Variants in IL1RAPL2 observed in about 807,000 individuals in gnomAD.
IL1RAPL2 encodes the protein X-linked interleukin-1 receptor accessory protein-like 2.
IL1RAPL2 carries 3 observed loss-of-function variants against 44.1 expected under a neutral mutation model. The observed-to-expected ratio is 0.07, with a 90% confidence interval of 0.03 to 0.18. IL1RAPL2 has a LOEUF of 0.18. Among genes scored for constraint, IL1RAPL2 ranks in the 10% least tolerant of loss-of-function variants. The probability of loss-of-function intolerance (pLI) is 1.00; values close to 1 mark genes in which losing one functional copy is unlikely to be tolerated. For missense variants in IL1RAPL2, 391 were observed against 496.4 expected (o/e 0.79, Z 2.02); for synonymous variants, 181 against 178.8 (o/e 1.01, Z -0.10).
At position 105,767,498 on chromosome X, in the gene IL1RAPL2, C is replaced by G; in HGVS notation, c.1898C>G (p.Pro633Arg). ...ATACCAGCCACGACCTTGCCAGTAC[C>G]TTCCTTAGGCAACCACCATACTTAT... ...HEIPATTLPV[P>R]SLGNHHTYCN... Residue 633 changes from proline to arginine, a missense_variant, in exon 11 of 11, where the codon CCT (proline) becomes CGT (arginine). Physicochemically the swap from Pro to Arg is moderately radical, Grantham distance 103. Around this residue, in one of 2 missense-constraint regions of IL1RAPL2, gnomAD observed 232 missense variants for 244.8 expected, o/e 0.95. Coordinates refer to ENST00000372582, the MANE Select transcript of IL1RAPL2 (RefSeq NM_017416.2). 1 of 1,211,361 alleles carries G rather than the reference C, an allele frequency of 8.3e-7. No individual in the cohort carries two copies.
intron 2 of IL1RAPL2, among the ~76,000 whole-genome samples, chrX:104,994,058 A>G (rs776824861): frequency 8.9e-6 from 1 of 112,118 alleles, no homozygotes; most frequent in Non-Finnish European, 1.9e-5. Flanking sequence ...AAGAGAAATG[A>G]AAACATATGT....
chrX:105,474,718 C>T (rs1221699256), intron 5 of IL1RAPL2, among the ~76,000 whole-genome samples: 2 of 111,868 alleles, frequency 1.8e-5, no homozygotes, highest in Non-Finnish European at 3.8e-5. Flanking sequence ...GTGGATACAG[C>T]TAAAGGAGGT....
intron 3 of IL1RAPL2, among the ~76,000 whole-genome samples, chrX:105,227,421 A>G (rs1363065668): frequency 8.9e-6 from 1 of 112,021 alleles, no homozygotes; most frequent in Non-Finnish European, 1.9e-5. Context: ...ACAATAAAAC[A>G]AAAATCCCGG....
At chrX:104,588,849 T>C (rs1322086992) in intron 1 of IL1RAPL2, among the ~76,000 whole-genome samples, 2 of 112,056 alleles carry the variant, frequency 1.8e-5, no homozygotes, top group Non-Finnish European at 3.8e-5. Context: ...GGGGCAATCA[T>C]GTTTCTTGAA....
chrX:104,909,319 C>T (rs1412087383), intron 2 of IL1RAPL2, among the ~76,000 whole-genome samples: 10 of 111,758 alleles, frequency 8.9e-5, no homozygotes, highest in Admixed American at 4.7e-4. Flanking sequence ...GTAATTTGAT[C>T]GTCTGAAGCC....
intron 2 of IL1RAPL2, among the ~76,000 whole-genome samples, chrX:104,737,867 CTA>C (rs1408513965): frequency 1.8e-5 from 2 of 111,853 alleles, no homozygotes; most frequent in Non-Finnish European, 3.8e-5. Context: ...CCTTTCCACT[CTA>C]AATACTCTCT....
chrX:105,509,314 A>G (rs2036453567), intron 6 of IL1RAPL2, among the ~76,000 whole-genome samples: 1 of 111,843 alleles, frequency 8.9e-6, no homozygotes, highest in African/African-American at 3.2e-5. Flanking sequence ...GAATGAGCCA[A>G]CATTGGAAAA....
At chrX:104,648,783 C>G (rs1401512425) in intron 1 of IL1RAPL2, among the ~76,000 whole-genome samples, 1 of 111,573 alleles carries the variant, frequency 9.0e-6, no homozygotes, top group Non-Finnish European at 1.9e-5. Flanking sequence ...AACTCAATAC[C>G]TTTCCATATC....
chrX:105,111,478 A>G (rs1366682781), intron 2 of IL1RAPL2, among the ~76,000 whole-genome samples: 2 of 111,401 alleles, frequency 1.8e-5, no homozygotes, highest in East Asian at 2.8e-4. Flanking sequence ...CTTCTTCCCT[A>G]TATACTGTAT....
At chrX:105,444,089 ATCAGTGATATTAAGCAACTTTTCG>A in intron 5 of IL1RAPL2, among the ~76,000 whole-genome samples, 1 of 111,745 alleles carries the variant, frequency 8.9e-6, no homozygotes, top group African/African-American at 3.2e-5. Context: ...ATCTCTGATG[ATCAGTGATATTAAGCAACTTTTCG>A]TATGCCTGTT....
chrX:104,933,689 GGA>G (rs2147698713), intron 2 of IL1RAPL2, among the ~76,000 whole-genome samples: 2 of 111,663 alleles, frequency 1.8e-5, no homozygotes, highest in South Asian at 7.6e-4. Flanking sequence ...AGTTGGGTCA[GGA>G]GAGGATCCAA....
rs754799300 is a variant in IL1RAPL2, at chrX:105,341,654, A to T, written c.697+74113A>T. On this transcript the variant is annotated intron_variant, in intron 5 of 10. Coordinates refer to ENST00000372582, the MANE Select transcript of IL1RAPL2 (RefSeq NM_017416.2). ...TGACAAATATTAAGAATTGATGGCC[A>T]GGTGCAGTGGCTCATGCCTGTAATC... Among the ~76,000 whole-genome samples the T allele has an allele frequency of 3.8e-3, 432 of 112,272 alleles. 2 individuals carry two copies. The highest frequency in any genetic ancestry group is 0.013 in the African/African-American group (414 of 30,957).
At chrX:104,968,296 A>G (rs919436175) in intron 2 of IL1RAPL2, among the ~76,000 whole-genome samples, 1 of 111,853 alleles carries the variant, frequency 8.9e-6, no homozygotes, top group African/African-American at 3.2e-5. Flanking sequence ...CACCATCTCA[A>G]TATATACAGT....
chrX:105,281,261 C>T (rs957466498), intron 5 of IL1RAPL2, among the ~76,000 whole-genome samples: 3 of 110,250 alleles, frequency 2.7e-5, no homozygotes, highest in East Asian at 2.9e-4. Flanking sequence ...CATCACACAC[C>T]GGGGACTTTT....
At chrX:105,202,239 T>C (rs1297293948) in intron 3 of IL1RAPL2, among the ~76,000 whole-genome samples, 1 of 112,412 alleles carries the variant, frequency 8.9e-6, no homozygotes, top group Non-Finnish European at 1.9e-5. Flanking sequence ...TTGTAAGAAT[T>C]AATAGGTTAT....
At chrX:105,254,477 C>CGGA (rs770326036) in intron 4 of IL1RAPL2, among the ~76,000 whole-genome samples, 1 of 111,960 alleles carries the variant, frequency 8.9e-6, no homozygotes, top group Non-Finnish European at 1.9e-5. Flanking sequence ...GCATAATTTG[C>CGGA]AAAATTTTTC....
intron 2 of IL1RAPL2, among the ~76,000 whole-genome samples, chrX:105,137,166 C>A (rs2033083908): frequency 1.8e-5 from 2 of 111,848 alleles, no homozygotes; most frequent in Admixed American, 1.9e-4. Context: ...CCTGTCTTTC[C>A]ACATATAAAG....
intron 2 of IL1RAPL2, among the ~76,000 whole-genome samples, chrX:104,803,658 G>A (rs116785346): frequency 0.02 from 2,277 of 112,111 alleles, 57 homozygotes; most frequent in African/African-American, 0.07. Flanking sequence ...GTTTCCCCAG[G>A]CCAATCAGTC....
At chrX:105,680,693 A>G (rs2037917160) in intron 6 of IL1RAPL2, among the ~76,000 whole-genome samples, 1 of 112,283 alleles carries the variant, frequency 8.9e-6, no homozygotes, top group South Asian at 3.7e-4. Context: ...TATCATTTAT[A>G]AATATTTCAT....
Sources: allele counts gnomAD v4.1 joint callset (sites outside exome capture counted in the v4.1 genomes callset), GRCh38; gene constraint gnomAD v4.1.1; regional missense constraint gnomAD v4.1.1; transcripts MANE v1.5; gene names NCBI Gene and HGNC (gene_info 2026-07-23, HGNC 2026-07-21).